DYM: variants seen among roughly 807,000 people sequenced by gnomAD.
DYM encodes the protein dymeclin.
DYM carries 78 observed loss-of-function variants against 93.1 expected under a neutral mutation model. That is an observed-to-expected ratio of 0.84 (90% CI 0.70 to 1.01). The LOEUF (loss-of-function observed/expected upper bound fraction) is 1.01. Ranked by LOEUF, DYM falls within the 50% of genes least tolerant of loss-of-function variation. The pLI, the probability that DYM is intolerant of heterozygous loss-of-function variation, is 0.00. For synonymous variants in DYM, 321 were observed against 319.7 expected (o/e 1.00, Z -0.04); for missense variants, 789 against 845.0 (o/e 0.93, Z 0.82).
chr18:49,047,988 G>A (rs1426457726), intron 17 of DYM: 1 of 152,308 alleles, frequency 6.6e-6, no homozygotes, highest in African/African-American at 2.4e-5. Flanking sequence ...GAGGCTAAGT[G>A]CTCGGTTGCA....
intron 15 of DYM, among the ~76,000 whole-genome samples, chr18:49,160,274 G>T (rs529339769): frequency 2.0e-5 from 3 of 152,288 alleles, no homozygotes; most frequent in Non-Finnish European, 4.4e-5. Flanking sequence ...GAACTCAGTT[G>T]AAGGTTTCAG....
intron 17 of DYM, among the ~76,000 whole-genome samples, chr18:49,060,323 G>T (rs1291303025): frequency 1.3e-5 from 2 of 151,968 alleles, no homozygotes; most frequent in African/African-American, 4.8e-5. Flanking sequence ...TGCCTTTTCT[G>T]ACAGGTCTCT....
intron 13 of DYM, among the ~76,000 whole-genome samples, chr18:49,242,738 T>C (rs1057031536): frequency 1.3e-5 from 2 of 152,184 alleles, no homozygotes; most frequent in Non-Finnish European, 2.9e-5. Context: ...CTAGCTCAGT[T>C]GCTCAGGCTG....
At chr18:49,277,507 C>T (rs908707559) in intron 10 of DYM, among the ~76,000 whole-genome samples, 1 of 152,016 alleles carries the variant, frequency 6.6e-6, no homozygotes, top group African/African-American at 2.4e-5. Flanking sequence ...ATGTTAAAAC[C>T]CTAACCCACA....
intron 3 of DYM, among the ~76,000 whole-genome samples, chr18:49,383,602 T>C (rs1250470412): frequency 6.6e-6 from 1 of 152,218 alleles, no homozygotes. Context: ...AAACACAGCC[T>C]CTCTGGGAGC....
chr18:49,050,080 CTTTT>C (rs555098372), intron 17 of DYM, among the ~76,000 whole-genome samples: 1 of 106,938 alleles, frequency 9.4e-6, no homozygotes, highest in Non-Finnish European at 1.8e-5. Context: ...AGGTAACTTC[CTTTT>C]TTTTTTTTTT....
intron 17 of DYM, among the ~76,000 whole-genome samples, chr18:49,092,924 G>A (rs1433454429): frequency 6.6e-6 from 1 of 152,148 alleles, no homozygotes; most frequent in East Asian, 1.9e-4. Flanking sequence ...CTCCTCACTG[G>A]GAGTCCCTCC....
intron 15 of DYM, among the ~76,000 whole-genome samples, chr18:49,155,003 A>G (rs2086237766): frequency 6.6e-6 from 1 of 152,206 alleles, no homozygotes; most frequent in Admixed American, 6.5e-5. Context: ...CTTTTCATAT[A>G]AACCCATGTA....
intron 14 of DYM, among the ~76,000 whole-genome samples, chr18:49,196,344 G>C (rs1161502965): frequency 6.6e-6 from 1 of 152,028 alleles, no homozygotes; most frequent in East Asian, 1.9e-4. Context: ...AAAAAGTTAA[G>C]TTCATTTCAG....
chr18:49,113,371 C>T (rs1039745246), intron 16 of DYM, among the ~76,000 whole-genome samples: 1 of 152,138 alleles, frequency 6.6e-6, no homozygotes, highest in Non-Finnish European at 1.5e-5. Context: ...TGTCTTGCTG[C>T]TTAATTCAGC....
chr18:49,342,278 C>G (rs1407734572), intron 6 of DYM, among the ~76,000 whole-genome samples: 1 of 152,174 alleles, frequency 6.6e-6, no homozygotes. Context: ...CTCCTTATAT[C>G]ACATCTCTCT....
chr18:49,230,445 A>G (rs940647310), intron 13 of DYM, among the ~76,000 whole-genome samples: 15 of 152,102 alleles, frequency 9.9e-5, no homozygotes, highest in Non-Finnish European at 1.6e-4. Context: ...AAATCTTACT[A>G]CCTCAAAAAA....
chr18:49,074,185 GA>G lies in DYM; in HGVS notation c.2025+23216del, dbSNP rs550917922. Among the ~76,000 whole-genome samples, 99 of 152,258 alleles carry G rather than the reference GA, an allele frequency of 6.5e-4. 1 individual carries two copies. The highest frequency in any genetic ancestry group is 1.1e-3 in the Non-Finnish European group (76 of 68,014). ...GCATCCCTGGATTCAACCAACCATG[GA>G]TTTAAAATATTCTGAGGAAAAAACA... is the stretch of plus-strand genomic sequence containing the variant. On this transcript the variant is annotated intron_variant, in intron 17 of 17. Transcript: ENST00000675505.
Position 49,286,569 on chromosome 18 carries a change from C to T in DYM, c.811G>A (p.Ala271Thr). The T allele has an allele frequency of 1.2e-6, 2 of 1,614,026 alleles. No homozygotes were observed. The highest frequency in any genetic ancestry group is 1.7e-6 in the Non-Finnish European group (2 of 1,179,982). Residue 271 changes from alanine (A) to threonine (T), a missense_variant, in exon 9 of 18, where the codon GCT becomes ACT. Ala to Thr is a moderately conservative substitution (Grantham distance 58, BLOSUM62 0). Transcript: ENST00000675505. The stretch of plus-strand genomic sequence containing the variant: ...GGGGAAGAAAGCTCTGGAGAGGCAG[C>T]CGCTTTGCTGCCCACACCACCTAGT... ...FTLGGVGSKA[A>T]ASPELSSPLA...
At chr18:49,254,032 C>T (rs369566179) in intron 13 of DYM, among the ~76,000 whole-genome samples, 1 of 151,972 alleles carries the variant, frequency 6.6e-6, no homozygotes, top group African/African-American at 2.4e-5. Context: ...ATCATGCTCT[C>T]TCACCATAGT....
intron 2 of DYM, among the ~76,000 whole-genome samples, chr18:49,415,566 C>T (rs2072871957): frequency 6.6e-6 from 1 of 151,798 alleles, no homozygotes; most frequent in Non-Finnish European, 1.5e-5. Context: ...TGAGCACCAT[C>T]TAGTGCTCAG....
At chr18:49,447,902 A>C (rs1288135534) in intron 1 of DYM, among the ~76,000 whole-genome samples, 1 of 152,190 alleles carries the variant, frequency 6.6e-6, no homozygotes, top group Non-Finnish European at 1.5e-5. Flanking sequence ...TGACCCCCCA[A>C]CAGTGAGAAT....
intron 15 of DYM, among the ~76,000 whole-genome samples, chr18:49,136,165 A>G (rs1162042224): frequency 1.3e-5 from 2 of 152,212 alleles, no homozygotes; most frequent in African/African-American, 4.8e-5. Flanking sequence ...TCCTGTATTA[A>G]ATTTGCAATT....
At chr18:49,418,657 T>G (rs2073286740) in intron 2 of DYM, among the ~76,000 whole-genome samples, 1 of 152,212 alleles carries the variant, frequency 6.6e-6, no homozygotes, top group Non-Finnish European at 1.5e-5. Flanking sequence ...ACGGCACATA[T>G]GTATCTAACG....
Sources: allele counts gnomAD v4.1 joint callset (sites outside exome capture counted in the v4.1 genomes callset), GRCh38; gene constraint gnomAD v4.1.1; transcripts MANE v1.5; gene names NCBI Gene and HGNC (gene_info 2026-07-23, HGNC 2026-07-21).